The following TMSB15B variants were observed in gnomAD, a reference collection of about 807,000 sequenced individuals.
TMSB15B encodes the protein thymosin beta 15B.
intron 1 of TMSB15B, among the ~76,000 whole-genome samples, chrX:103,951,944 T>G (rs1286513152): frequency 9.0e-6 from 1 of 111,051 alleles, no homozygotes; most frequent in African/African-American, 3.3e-5. Context: ...TCCCCAAAAT[T>G]ACAGTGACAA....
intron 1 of TMSB15B, among the ~76,000 whole-genome samples, chrX:103,923,634 C>T (rs1286380085): frequency 2.7e-5 from 3 of 111,510 alleles, no homozygotes; most frequent in East Asian, 2.8e-4. Context: ...AGTCAGGTAG[C>T]GTGATGCCTC....
chrX:103,926,466 T>C (rs2074968280), intron 1 of TMSB15B, among the ~76,000 whole-genome samples: 1 of 47,676 alleles, frequency 2.1e-5, no homozygotes, highest in East Asian at 9.1e-4. Flanking sequence ...ACTGTAGGGA[T>C]ATGGATGTAG....
chrX:103,934,227 G>A (rs1219856540), intron 1 of TMSB15B, among the ~76,000 whole-genome samples: 2 of 111,244 alleles, frequency 1.8e-5, no homozygotes, highest in Non-Finnish European at 3.8e-5. Flanking sequence ...CCATATGAGT[G>A]AGGACATGTG....
intron 1 of TMSB15B, among the ~76,000 whole-genome samples, chrX:103,944,626 C>T (rs1268580614): frequency 1.8e-5 from 2 of 111,235 alleles, no homozygotes; most frequent in African/African-American, 3.3e-5. Context: ...GAGAAGTTAC[C>T]TCCCTTCCCT....
chrX:103,944,075 G>C (rs1487185116), intron 1 of TMSB15B, among the ~76,000 whole-genome samples: 2 of 112,122 alleles, frequency 1.8e-5, no homozygotes, highest in Non-Finnish European at 3.8e-5. Flanking sequence ...CTTGACTTGT[G>C]ATTATGTATG....
chrX:103,928,489 C>G, intron 1 of TMSB15B: 2 of 1,204,584 alleles, frequency 1.7e-6, no homozygotes, highest in East Asian at 3.0e-5. Context: ...GGCTGTGGCA[C>G]TCAGCCCCTT....
At chrX:103,924,438 G>A in intron 1 of TMSB15B, among the ~76,000 whole-genome samples, 1 of 111,597 alleles carries the variant, frequency 9.0e-6, no homozygotes. Flanking sequence ...GAAATTTCTT[G>A]GTTGCTCCCC....
chrX:103,935,164 T>A (rs1161327751), intron 1 of TMSB15B, among the ~76,000 whole-genome samples: 1 of 112,448 alleles, frequency 8.9e-6, no homozygotes, highest in Non-Finnish European at 1.9e-5. Context: ...TCTGTTCATA[T>A]CCTGTGCCCA....
intron 1 of TMSB15B, among the ~76,000 whole-genome samples, chrX:103,923,591 T>C (rs781788855): frequency 1.9e-3 from 217 of 111,976 alleles, no homozygotes; most frequent in African/African-American, 6.4e-3. Flanking sequence ...TACCATGCTG[T>C]TTTGGTTACT....
At chrX:103,919,787 G>T (rs781830667) in intron 1 of TMSB15B, among the ~76,000 whole-genome samples, 1 of 112,479 alleles carries the variant, frequency 8.9e-6, no homozygotes, top group South Asian at 3.7e-4. Context: ...AGACAGAGAG[G>T]TTAAGCGTCT....
chrX:103,951,972 C>T (rs1556328357), intron 1 of TMSB15B, among the ~76,000 whole-genome samples: 2 of 111,257 alleles, frequency 1.8e-5, no homozygotes, highest in Admixed American at 1.9e-4. Context: ...GGTATGGCTA[C>T]ATGAGTGAGT....
chrX:103,945,317 G>C (rs782159425), intron 1 of TMSB15B, among the ~76,000 whole-genome samples: 13 of 112,239 alleles, frequency 1.2e-4, no homozygotes, highest in Non-Finnish European at 2.4e-4. Context: ...GGAAGTTTAA[G>C]ATTGGGCAGC....
chrX:103,928,016 C>A, intron 1 of TMSB15B: 3 of 562,636 alleles, frequency 5.3e-6, no homozygotes, highest in Non-Finnish European at 8.3e-6. Flanking sequence ...AGAATGCTTG[C>A]CAACGGAATT....
intron 1 of TMSB15B, among the ~76,000 whole-genome samples, chrX:103,937,608 C>CA (rs1376669862): frequency 2.7e-5 from 3 of 110,909 alleles, no homozygotes; most frequent in Non-Finnish European, 5.7e-5. Flanking sequence ...TTAATCTTTT[C>CA]AAAAAATCAG....
chrX:103,938,234 C>T (rs781802483), intron 1 of TMSB15B, among the ~76,000 whole-genome samples: 5 of 111,477 alleles, frequency 4.5e-5, no homozygotes, highest in Admixed American at 9.5e-5. Context: ...TTTTCTGTCT[C>T]GTTGATCTGT....
At chrX:103,941,239 C>T (rs1312254214) in intron 1 of TMSB15B, among the ~76,000 whole-genome samples, 1 of 112,138 alleles carries the variant, frequency 8.9e-6, no homozygotes, top group Non-Finnish European at 1.9e-5. Flanking sequence ...TTTCTTTATC[C>T]ATTTATTGAT....
At chrX:103,939,548 C>T (rs1556323286) in intron 1 of TMSB15B, among the ~76,000 whole-genome samples, 1 of 110,734 alleles carries the variant, frequency 9.0e-6, no homozygotes, top group African/African-American at 3.3e-5. Context: ...TTCTAGTTGG[C>T]AATTCCTCAA....
At chrX:103,942,624 T>C (rs2147822916) in intron 1 of TMSB15B, among the ~76,000 whole-genome samples, 1 of 112,316 alleles carries the variant, frequency 8.9e-6, no homozygotes, top group East Asian at 2.8e-4. Context: ...AAATAGATGC[T>C]GAAATTTTCT....
intron 1 of TMSB15B, among the ~76,000 whole-genome samples, chrX:103,948,024 C>T (rs1340078532): frequency 1.8e-5 from 2 of 110,913 alleles, no homozygotes; most frequent in African/African-American, 6.6e-5. Context: ...GAACATCACA[C>T]ACTGGAGCCT....
Sources: allele counts gnomAD v4.1 joint callset (sites outside exome capture counted in the v4.1 genomes callset), GRCh38; gene constraint gnomAD v4.1.1; transcripts MANE v1.5; gene names NCBI Gene and HGNC (gene_info 2026-07-23, HGNC 2026-07-21).